ARHGEF7: variants seen among roughly 807,000 people sequenced by gnomAD.
The protein encoded by ARHGEF7 is Rho guanine nucleotide exchange factor 7.
Under a neutral mutation model 109.8 loss-of-function variants are expected in ARHGEF7, and 33 were observed. The ratio of observed to expected loss-of-function variants is 0.30; its 90% CI spans 0.23 to 0.40. ARHGEF7 has a LOEUF of 0.40. Among genes scored for constraint, ARHGEF7 ranks in the 10% least tolerant of loss-of-function variants. The probability of loss-of-function intolerance (pLI) is 1.00; values close to 1 mark genes in which losing one functional copy is unlikely to be tolerated. For synonymous variants in ARHGEF7, 458 were observed against 424.6 expected, an observed-to-expected ratio of 1.08 and a Z score of -0.97; for missense variants, 938 against 1,098.5, an observed-to-expected ratio of 0.85 and a Z score of 2.07.
intron 15 of ARHGEF7, among the ~76,000 whole-genome samples, chr13:111,282,105 C>T (rs2092806245): frequency 1.3e-5 from 2 of 152,238 alleles, no homozygotes; most frequent in African/African-American, 4.8e-5. Context: ...TGACCTGCAT[C>T]TCACACAATT....
chr13:111,115,736 C>T, intron 1 of ARHGEF7, 45 bp downstream of exon 1: 1 of 1,082,490 alleles, frequency 9.2e-7, no homozygotes, highest in Non-Finnish European at 1.1e-6. Context: ...CGGTCCGGCC[C>T]GCTGCGGCCC....
In ARHGEF7 at chr13:111,283,158, C is replaced by G. The variant is rs2092860895; in HGVS notation, c.1745C>G (p.Thr582Ser). 6.3e-7 allele frequency: 1 copy of G among 1,591,740 alleles called. No individual in the cohort carries two copies. The highest frequency in any genetic ancestry group is 1.1e-5 in the South Asian group (1 of 87,460). ...PSHTLPSHPVTPSSKHADSKP... is the reference protein window; with the variant it reads ...PSHTLPSHPVSPSSKHADSKP... ...TGGCAGCTCCCCTCCCACCCGGTCA[C>G]TCCGTCCAGCAAGCACGCAGACAGC... is the stretch of plus-strand genomic sequence containing the variant. Residue 582 changes from threonine to serine, a missense_variant, in exon 16 of 22, where the codon ACT becomes AGT. Thr to Ser is a moderately conservative substitution (Grantham distance 58). Transcript: ENST00000646102.
At chr13:111,206,975 AGAAAAAG>A (rs1566820591) in intron 3 of ARHGEF7, among the ~76,000 whole-genome samples, 4 of 118,902 alleles carry the variant, frequency 3.4e-5, no homozygotes, top group South Asian at 2.7e-4. Context: ...AAAAAAAAAA[AGAAAAAG>A]AAAAAAAAAG....
At chr13:111,226,705 A>G (rs530746835) in intron 5 of ARHGEF7, among the ~76,000 whole-genome samples, 23 of 152,358 alleles carry the variant, frequency 1.5e-4, no homozygotes, top group African/African-American at 5.5e-4. Flanking sequence ...TCATGCTGCT[A>G]ACACAGCATC....
At chr13:111,218,420 C>T (rs1349481129) in intron 5 of ARHGEF7, among the ~76,000 whole-genome samples, 1 of 152,110 alleles carries the variant, frequency 6.6e-6, no homozygotes, top group African/African-American at 2.4e-5. Context: ...ATCCTCGGCA[C>T]ATGGCTATGG....
intron 1 of ARHGEF7, among the ~76,000 whole-genome samples, chr13:111,152,805 TAA>T (rs1055238317): frequency 1.6e-4 from 24 of 152,336 alleles, no homozygotes; most frequent in African/African-American, 5.3e-4. Flanking sequence ...AAAAACAAAA[TAA>T]AGTTTTTCGT....
chr13:111,152,046 A>ATTT (rs2075916265), intron 1 of ARHGEF7, among the ~76,000 whole-genome samples: 5 of 152,204 alleles, frequency 3.3e-5, no homozygotes, highest in Non-Finnish European at 7.3e-5. Context: ...TGAGTTCATA[A>ATTT]ATACAGACTC....
At chr13:111,164,055 G>T in intron 2 of ARHGEF7, among the ~76,000 whole-genome samples, 1 of 145,674 alleles carries the variant, frequency 6.9e-6, no homozygotes, top group East Asian at 2.0e-4. Context: ...TGCGTGTTGC[G>T]TTTGGATTAT....
rs994464864 is a variant in ARHGEF7 at position 111,121,807 on chromosome 13, C to T, written c.165+6116C>T. On this transcript the variant is annotated intron_variant, in intron 1 of 21. Coordinates refer to ENST00000646102, the MANE Select transcript of ARHGEF7 (RefSeq NM_001354046.2). ...CAGCCATTTGCTCTGTGACTTCCGG[C>T]ACCTGTCTAACCTCTCGGAGTCCTA... 2.0e-5 allele frequency among the ~76,000 whole-genome samples: 3 copies of T among 152,146 alleles called. No homozygotes were observed. The East Asian group carries it at 5.8e-4, about 29-fold the overall frequency.
rs1363999535 is a variant in ARHGEF7 at position 111,266,355 on chromosome 13, C to G, written c.951-1193C>G. 2.0e-5 allele frequency among the ~76,000 whole-genome samples: 3 copies of G among 152,092 alleles called. No individual in the cohort carries two copies. The highest frequency in any genetic ancestry group is 2.9e-5 in the Non-Finnish European group (2 of 68,010). ...GAATGACTCTGCTGTTGTCTGGGGC[C>G]TCGGTCTTCTTTTGGCCTGTGTCGA... On this transcript the variant is annotated intron_variant, in intron 8 of 21. Transcript: ENST00000646102. This position sits in a 1 kb window ranked among gnomAD's most constrained non-coding sequence, Gnocchi z 4.8.
At chr13:111,289,748 G>A (rs1327109824) in intron 18 of ARHGEF7, among the ~76,000 whole-genome samples, 3 of 152,152 alleles carry the variant, frequency 2.0e-5, no homozygotes, top group African/African-American at 7.2e-5. Flanking sequence ...GTGAAGATAG[G>A]ATGAGCAGGG....
chr13:111,245,445 C>T (rs1326901577), intron 8 of ARHGEF7, among the ~76,000 whole-genome samples: 7 of 152,152 alleles, frequency 4.6e-5, no homozygotes, highest in African/African-American at 1.7e-4. Context: ...GATTCTCGCT[C>T]AGCTCATGAG....
At chr13:111,261,870 G>A (rs2091125428) in intron 8 of ARHGEF7, among the ~76,000 whole-genome samples, 1 of 152,204 alleles carries the variant, frequency 6.6e-6, no homozygotes. Flanking sequence ...TGAATGACCA[G>A]TGGGTCAATG....
intron 2 of ARHGEF7, among the ~76,000 whole-genome samples, chr13:111,186,422 G>A (rs571919469): frequency 5.1e-4 from 78 of 152,176 alleles, no homozygotes; most frequent in South Asian, 2.1e-4. Flanking sequence ...TGAAAGTGCC[G>A]TAATTGATAG....
intron 8 of ARHGEF7, among the ~76,000 whole-genome samples, chr13:111,256,821 C>G (rs1254184580): frequency 6.6e-6 from 1 of 152,198 alleles, no homozygotes; most frequent in African/African-American, 2.4e-5. Flanking sequence ...GCTAACCTAA[C>G]TGGGCCCTGA....
At chr13:111,230,742 C>T (rs72653529) in intron 5 of ARHGEF7, among the ~76,000 whole-genome samples, 3,613 of 152,346 alleles carry the variant, frequency 0.024, 72 homozygotes, top group Middle Eastern at 0.11. Flanking sequence ...TTGTTGAAAA[C>T]GAACCACAGG....
intron 2 of ARHGEF7, among the ~76,000 whole-genome samples, chr13:111,201,212 T>G (rs1399762549): frequency 2.0e-5 from 3 of 152,218 alleles, no homozygotes; most frequent in African/African-American, 4.8e-5. Context: ...ATAGTTTCTC[T>G]GCGTCTCACT....
chr13:111,156,008 C>T, intron 2 of ARHGEF7, among the ~76,000 whole-genome samples: 1 of 150,498 alleles, frequency 6.6e-6, no homozygotes, highest in East Asian at 1.9e-4. Flanking sequence ...TCCCTTGAAC[C>T]CCGGAGGCAG....
At chr13:111,235,959 G>C (rs61968013) in intron 6 of ARHGEF7, among the ~76,000 whole-genome samples, 1 of 152,156 alleles carries the variant, frequency 6.6e-6, no homozygotes, top group Non-Finnish European at 1.5e-5. Flanking sequence ...GTATAATGGA[G>C]TTGAGAGAAG....
Sources: allele counts gnomAD v4.1 joint callset (sites outside exome capture counted in the v4.1 genomes callset), GRCh38; gene constraint gnomAD v4.1.1; non-coding constraint Gnocchi (gnomAD v3.1); transcripts MANE v1.5; gene names NCBI Gene and HGNC (gene_info 2026-07-23, HGNC 2026-07-21).